The following PROCA1 variants were observed in gnomAD, a reference collection of about 807,000 sequenced individuals.
PROCA1 encodes protein PROCA1.
PROCA1 carries 22 observed loss-of-function variants against 23.2 expected under a neutral mutation model. The observed-to-expected ratio is 0.95, with a 90% CI of 0.68 to 1.35. The LOEUF is 1.35. PROCA1 is among the 40% of genes most tolerant of loss of function. The probability of loss-of-function intolerance (pLI) is 0.00; values close to 1 mark genes in which losing one functional copy is unlikely to be tolerated. For missense variants in PROCA1, 469 were observed against 459.8 expected (o/e 1.02, Z -0.18); for synonymous variants, 182 against 179.2 (o/e 1.02, Z -0.12).
In PROCA1 at chr17:28,711,840, C is replaced by A. The variant is rs1319272600; in HGVS notation, c.-180G>T. The A allele has an allele frequency of 1.8e-6, 1 of 544,578 alleles. No individual in the cohort carries two copies. Among genetic ancestry groups the A allele is most frequent in the Non-Finnish European group, 3.2e-6 (1 of 315,344 alleles). The allele number at this position is 544,578 out of a possible 1,614,324, so 33.7% of individuals were successfully genotyped here. ...CCGGCCTCCCCAGCCCGGCTCCAGG[C>A]TGCGTAGTCTTCCCAGCTGGGTCTC... On this transcript the variant is annotated 5_prime_UTR_variant, in exon 1 of 5. Transcript: ENST00000682792.
intron 2 of PROCA1, chr17:28,706,385 C>T (rs2032475168): frequency 4.6e-6 from 1 of 215,552 alleles, no homozygotes; most frequent in South Asian, 6.7e-5. Flanking sequence ...CTTTAATTTC[C>T]TCATCCACAA....
At position 28,703,214 on chromosome 17, in the gene PROCA1, T is replaced by A. The variant is rs891268601; in HGVS notation, c.*344A>T. The A allele has an allele frequency of 1.6e-5, 4 of 249,168 alleles. No homozygotes were observed. In the South Asian group the frequency reaches 2.5e-4, roughly 15 times the overall value. The allele number at this position is 249,168 out of a possible 1,614,324, so 15.4% of individuals were successfully genotyped here. Reference sequence around the variant, plus strand: ...GCACAGAGTGGGTTAAAAAGTTCCGTTTATTGGGGGTATCGCTGCAGACAG... The same window carrying A: ...GCACAGAGTGGGTTAAAAAGTTCCGATTATTGGGGGTATCGCTGCAGACAG... On this transcript the variant is annotated 3_prime_UTR_variant, in exon 5 of 5. Transcript: ENST00000682792.
In PROCA1 at chr17:28,704,061, G is replaced by A. The variant is rs1279743877; in HGVS notation, c.592C>T (p.Pro198Ser). 6.2e-7 allele frequency: 1 copy of A among 1,602,834 alleles called. No individual in the cohort carries two copies. Among genetic ancestry groups the A allele is most frequent in the Admixed American group, 1.7e-5 (1 of 57,450 alleles). Reference protein sequence around the residue: ...PTQVGPATASPDLGTSMATGT... With the variant: ...PTQVGPATASSDLGTSMATGT... ...GTGGCCATGCTGGTGCCTAGGTCAG[G>A]GGAGGCGGTGGCGGGCCCCACCTGT... Residue 198 changes from proline to serine, a missense_variant, in exon 5 of 5, where the codon CCT becomes TCT. Pro to Ser is a moderately conservative substitution (Grantham distance 74). Transcript: ENST00000682792.
intron 2 of PROCA1, chr17:28,705,193 G>A: frequency 4.1e-6 from 1 of 244,472 alleles, no homozygotes; most frequent in South Asian, 5.3e-5. Flanking sequence ...CCTGGTAGGA[G>A]AAGGCCCTCC....
chr17:28,705,013 CAA>C (rs2032395161), intron 2 of PROCA1, 170 bp from the exon 3 acceptor site: 1 of 623,418 alleles, frequency 1.6e-6, no homozygotes, highest in Admixed American at 2.9e-5. Context: ...CATGTCCCAG[CAA>C]AGTGTCTGGT....
At chr17:28,706,564 G>A in intron 2 of PROCA1, 116 bp downstream of exon 2, 1 of 644,324 alleles carries the variant, frequency 1.6e-6, no homozygotes, top group Non-Finnish European at 2.4e-6. Context: ...GGATGGGGCA[G>A]CTTCAGGACC....
At chr17:28,708,076 C>T (rs2032605622) in intron 1 of PROCA1, among the ~76,000 whole-genome samples, 1 of 152,074 alleles carries the variant, frequency 6.6e-6, no homozygotes, top group Non-Finnish European at 1.5e-5. Context: ...GTGGTGGGAT[C>T]TCGGCTTACT....
rs2032800916 is a variant in PROCA1, at chr17:28,711,813, C to G, written c.-153G>C. ...CCCCGCCTCATGCTGGCGCAGCCCC[C>G]GCCGGCCTCCCCAGCCCGGCTCCAG... On this transcript the variant is annotated 5_prime_UTR_variant, in exon 1 of 5. Transcript: ENST00000682792. The G allele has an allele frequency of 1.6e-6, 1 of 606,200 alleles. No individual in the cohort carries two copies. Among genetic ancestry groups the G allele is most frequent in the African/African-American group, 2.0e-5 (1 of 51,118 alleles). 37.6% of individuals were successfully genotyped at this position (606,200 alleles called of 1,614,324 possible). A position where few individuals can be genotyped will look rare whatever the true frequency, so the allele number is the denominator to read the frequency against.
chr17:28,706,403 T>G, intron 2 of PROCA1: 1 of 216,000 alleles, frequency 4.6e-6, no homozygotes, highest in Non-Finnish European at 9.8e-6. Flanking sequence ...CAAAATGGGA[T>G]GGTGGTCATA....
chr17:28,710,529 A>AAAAAAAAG (rs1555553420), intron 1 of PROCA1, among the ~76,000 whole-genome samples: 2 of 142,130 alleles, frequency 1.4e-5, no homozygotes, highest in Non-Finnish European at 1.5e-5. Context: ...AAAAAAAAAA[A>AAAAAAAAG]GCACACATGC....
chr17:28,707,408 C>T lies in PROCA1; in HGVS notation c.92-645G>A, dbSNP rs182313040. 3.3e-5 allele frequency: 5 copies of T among 152,172 alleles called. No homozygotes were observed. The East Asian group carries it at 7.7e-4, about 24-fold the overall frequency. 9.4% of individuals were successfully genotyped at this position (152,172 alleles called of 1,614,324 possible). The stretch of plus-strand genomic sequence containing the variant: ...TCCTCCTATAAGTCTCTGGTCAGCT[C>T]CTCCTCCTGTTTTCCACAGCACGGC... On this transcript the variant is annotated intron_variant, in intron 1 of 4. Transcript: ENST00000682792.
chr17:28,711,320 C>T (rs982313182), intron 1 of PROCA1: 7 of 567,944 alleles, frequency 1.2e-5, no homozygotes, highest in Non-Finnish European at 2.0e-5. Context: ...AGACTTCCCG[C>T]CCATCCCGCG....
chr17:28,711,418 G>A lies in PROCA1; in HGVS notation c.91+152C>T. On this transcript the variant is annotated intron_variant, in intron 1 of 4. Transcript: ENST00000682792. ...CCGCCCCCGGCCCTAGCTCCGCCCCGGCCCTAGCTCCGCCCCGGCCCAGCA... is the reference window on the plus strand; with the variant it reads ...CCGCCCCCGGCCCTAGCTCCGCCCCAGCCCTAGCTCCGCCCCGGCCCAGCA... 6.2e-6 allele frequency: 4 copies of A among 641,576 alleles called. No individual in the cohort carries two copies. In the South Asian group the frequency reaches 9.3e-5, roughly 15 times the overall value. The allele number at this position is 641,576 out of a possible 1,614,324, so 39.7% of individuals were successfully genotyped here. A position where few individuals can be genotyped will look rare whatever the true frequency, so the allele number is the denominator to read the frequency against.
chr17:28,704,063 G>T lies in PROCA1; in HGVS notation c.590C>A (p.Ser197Tyr). The change falls in exon 5 of 5, where the codon TCC becomes TAC. Residue 197 changes from serine (S) to tyrosine (Y), a missense_variant. Transcript: ENST00000682792. ...GGCCATGCTGGTGCCTAGGTCAGGG[G>T]AGGCGGTGGCGGGCCCCACCTGTGT... ...IPTQVGPATA[S>Y]PDLGTSMATG... The T allele has an allele frequency of 6.2e-7, 1 of 1,602,966 alleles. No homozygotes were observed. The highest frequency in any genetic ancestry group is 1.3e-5 in the African/African-American group (1 of 74,282).
intron 3 of PROCA1, 130 bp downstream of exon 3, chr17:28,704,578 G>A: frequency 1.9e-6 from 3 of 1,557,046 alleles, no homozygotes; most frequent in Admixed American, 1.8e-5. Flanking sequence ...AGAGCAAGGT[G>A]TGCAGAGCTG....
intron 2 of PROCA1, chr17:28,706,432 T>G (rs1337864353): frequency 8.7e-6 from 2 of 228,962 alleles, no homozygotes; most frequent in Non-Finnish European, 1.8e-5. Context: ...GCAGGGTTGT[T>G]GGGCGGACTC....
In PROCA1 at chr17:28,703,565, A is replaced by G. The variant is rs1289185764; in HGVS notation, c.1088T>C (p.Leu363Pro). The change falls in exon 5 of 5, where the codon CTC becomes CCC. Residue 363 changes from leucine (L) to proline (P), a missense_variant. Leu to Pro is a moderately conservative substitution (Grantham distance 98). Transcript: ENST00000682792. Reference protein sequence around the residue: ...RKSPPGSNPNLS With the variant: ...RKSPPGSNPNPS ...ACCCTGACCACCCTGGCCTCAACTG[A>G]GGTTGGGGTTTGATCCTGGGGGAGA... 1 of 1,613,120 alleles carries G rather than the reference A, an allele frequency of 6.2e-7. No individual in the cohort carries two copies. Among genetic ancestry groups the G allele is most frequent in the East Asian group, 2.2e-5 (1 of 44,844 alleles).
chr17:28,711,165 G>A lies in PROCA1; in HGVS notation c.91+405C>T. On this transcript the variant is annotated intron_variant, in intron 1 of 4. Transcript: ENST00000682792. ...CTCAGTCTCCTTGGTCCACCCTCAG[G>A]GTCGATGGAACCGCCCGCTCCCGCC... 4 of 1,175,930 alleles carry A rather than the reference G, an allele frequency of 3.4e-6. No individual in the cohort carries two copies. In the South Asian group the frequency reaches 7.2e-5, roughly 21 times the overall value. 72.8% of individuals were successfully genotyped at this position (1,175,930 alleles called of 1,614,324 possible).
Position 28,703,677 on chromosome 17 carries a change from A to G in PROCA1, c.976T>C (p.Ser326Pro). 6.2e-7 allele frequency: 1 copy of G among 1,614,074 alleles called. No individual in the cohort carries two copies. The highest frequency in any genetic ancestry group is 8.5e-7 in the Non-Finnish European group (1 of 1,180,018). ...ELSSEDIVESSSPRKRENTVQ... is the reference protein window; with the variant it reads ...ELSSEDIVESPSPRKRENTVQ... ...GTGTTCTCTCTCTTCCTGGGCGATG[A>G]TGATTCCACAATATCCTCGCTGGAC... Residue 326 changes from serine (S) to proline (P), a missense_variant, in exon 5 of 5, where the codon TCA (serine) becomes CCA (proline). Ser to Pro is a moderately conservative substitution (Grantham distance 74, BLOSUM62 -1). Coordinates refer to ENST00000682792, the MANE Select transcript of PROCA1 (RefSeq NM_001366301.1).
Sources: gnomAD v4.1 joint callset for allele counts (sites outside exome capture counted in the v4.1 genomes callset) on GRCh38, gnomAD v4.1.1 for gene constraint, MANE v1.5 for transcripts, NCBI Gene and HGNC (gene_info 2026-07-23, HGNC 2026-07-21) for gene names.